Variants in MFSD6 observed in about 807,000 individuals in gnomAD.
MFSD6 encodes major facilitator superfamily domain-containing protein 6.
In MFSD6, 26 loss-of-function variants were observed where a neutral mutation model predicts 56.3. The observed-to-expected ratio is 0.46, with a 90% CI of 0.34 to 0.64. The LOEUF is 0.64. Among genes scored for constraint, MFSD6 ranks in the 30% least tolerant of loss-of-function variants. The pLI is 0.01. For missense variants in MFSD6, 750 were observed against 986.2 expected, an observed-to-expected ratio of 0.76 and a Z score of 3.21; for synonymous variants, 331 against 366.9, an observed-to-expected ratio of 0.90 and a Z score of 1.12.
intron 1 of MFSD6, among the ~76,000 whole-genome samples, chr2:190,409,960 GGAGGA>G (rs1690488502): frequency 6.6e-6 from 1 of 152,180 alleles, no homozygotes; most frequent in Non-Finnish European, 1.5e-5. Context: ...TGGGGAAACA[GGAGGA>G]GAGAACATCA....
At chr2:190,407,773 C>G (rs957165876), upstream of MFSD6, among the ~76,000 whole-genome samples, 97 of 152,308 alleles carry the variant, frequency 6.4e-4, no homozygotes, top group African/African-American at 1.8e-3. This position sits in a 1 kb window ranked among gnomAD's most constrained non-coding sequence, Gnocchi z 5.4. Context: ...ACTCACAGAT[C>G]GTTTGTCTCC....
chr2:190,495,084 T>C lies in MFSD6; in HGVS notation c.1892-2355T>C, dbSNP rs563076048. Among the ~76,000 whole-genome samples, 67 of 152,270 alleles carry C rather than the reference T, an allele frequency of 4.4e-4. 1 individual carries two copies. The highest frequency in any genetic ancestry group is 1.5e-3 in the African/African-American group (64 of 41,566). On this transcript the variant is annotated intron_variant, in intron 6 of 7. Coordinates refer to ENST00000392328, the MANE Select transcript of MFSD6 (RefSeq NM_017694.4). This position sits in a 1 kb window ranked among gnomAD's most constrained non-coding sequence, Gnocchi z 4.7. Reference sequence around the variant, plus strand: ...TGTCGCTGTTTGCTGATGATAAGATTGTATACCTAGAAAACCCTAAAGACT... The same window carrying C: ...TGTCGCTGTTTGCTGATGATAAGATCGTATACCTAGAAAACCCTAAAGACT...
chr2:190,441,989 G>A (rs551763291), intron 3 of MFSD6, among the ~76,000 whole-genome samples: 2 of 152,218 alleles, frequency 1.3e-5, no homozygotes, highest in Admixed American at 6.5e-5. Flanking sequence ...AAAGACTCCT[G>A]ATGGCAATTG....
At position 190,438,592 on chromosome 2, in the gene MFSD6, C is replaced by A. The variant is rs1686260931; in HGVS notation, c.1532+1031C>A. ...CTTCTCACCATTAATGTGCACCTTG[C>A]TCTTTAGAGATCTTTCTGCTCTGTT... On this transcript the variant is annotated intron_variant, in intron 3 of 7. Transcript: ENST00000392328. The surrounding 1 kb of genome is among the most constrained non-coding windows in gnomAD (Gnocchi z 5.2). Among the ~76,000 whole-genome samples the A allele has an allele frequency of 6.6e-6, 1 of 152,214 alleles. No homozygotes were observed. The highest frequency in any genetic ancestry group is 6.5e-5 in the Admixed American group (1 of 15,280).
Position 190,437,419 on chromosome 2 carries a change from G to T in MFSD6, c.1390G>T (p.Val464Leu), listed in dbSNP as rs779837253. 1 of 1,614,056 alleles carries T rather than the reference G, an allele frequency of 6.2e-7. No individual in the cohort carries two copies. Among genetic ancestry groups the T allele is most frequent in the African/African-American group, 1.3e-5 (1 of 74,894 alleles). The change falls in exon 3 of 8, where the codon GTG becomes TTG. Residue 464 changes from valine (V) to leucine (L), a missense_variant. Around this residue, in one of 5 missense-constraint regions of MFSD6, gnomAD observed 125 missense variants for 223.1 expected, o/e 0.56. Transcript: ENST00000392328. The surrounding 1 kb of genome is among the most constrained non-coding windows in gnomAD (Gnocchi z 5.9). ...AWFMGFGYGF[V>L]FTFLYWHLED... ...GTTCATGGGTTTTGGATATGGCTTCGTGTTCACCTTTCTCTACTGGCATTT... is the reference window on the plus strand; with the variant it reads ...GTTCATGGGTTTTGGATATGGCTTCTTGTTCACCTTTCTCTACTGGCATTT...
At position 190,495,062 on chromosome 2, in the gene MFSD6, C is replaced by T. The variant is rs1207510401; in HGVS notation, c.1892-2377C>T. On this transcript the variant is annotated intron_variant, in intron 6 of 7. Coordinates refer to ENST00000392328, the MANE Select transcript of MFSD6 (RefSeq NM_017694.4). The surrounding 1 kb of genome is among the most constrained non-coding windows in gnomAD (Gnocchi z 4.7). ...ATAGGTAAAGAGGAAGTCAAACTGT[C>T]GCTGTTTGCTGATGATAAGATTGTA... Among the ~76,000 whole-genome samples the T allele has an allele frequency of 1.3e-5, 2 of 152,114 alleles. No individual in the cohort carries two copies. Among genetic ancestry groups the T allele is most frequent in the Admixed American group, 6.5e-5 (1 of 15,272 alleles).
chr2:190,448,106 G>T (rs1436298388), intron 3 of MFSD6, among the ~76,000 whole-genome samples: 1 of 152,138 alleles, frequency 6.6e-6, no homozygotes, highest in African/African-American at 2.4e-5. Flanking sequence ...CATGTGTACT[G>T]TACCTTTTGT....
In MFSD6 at chr2:190,488,282, A is replaced by G. The variant is rs144415753; in HGVS notation, c.1631-375A>G. Among the ~76,000 whole-genome samples, 119 of 152,376 alleles carry G rather than the reference A, an allele frequency of 7.8e-4. No homozygotes were observed. Among genetic ancestry groups the G allele is most frequent in the Middle Eastern group, 3.4e-3 (1 of 294 alleles). On this transcript the variant is annotated intron_variant, in intron 4 of 7. Transcript: ENST00000392328. The surrounding 1 kb of genome is among the most constrained non-coding windows in gnomAD (Gnocchi z 6.4). The stretch of plus-strand genomic sequence containing the variant: ...ATTAATCAAAGTAGCAGAAGGAAAC[A>G]ACAAATGTCTATTCACAGATGAAAA...
chr2:190,468,257 GTAATACTTCAC>G, intron 3 of MFSD6, among the ~76,000 whole-genome samples: 1 of 152,100 alleles, frequency 6.6e-6, no homozygotes. Context: ...CAGACTTTTT[GTAATACTTCAC>G]TGAGAATCTG....
rs758224191 is a variant in MFSD6, at chr2:190,410,195, A to AT, written c.-176+1699dup. Among the ~76,000 whole-genome samples the AT allele has an allele frequency of 2.6e-5, 4 of 152,122 alleles. No homozygotes were observed. Among genetic ancestry groups the AT allele is most frequent in the Admixed American group, 1.3e-4 (2 of 15,274 alleles). On this transcript the variant is annotated intron_variant, in intron 1 of 7. Coordinates refer to ENST00000392328, the MANE Select transcript of MFSD6 (RefSeq NM_017694.4). This position sits in a 1 kb window ranked among gnomAD's most constrained non-coding sequence, Gnocchi z 4.4. The stretch of plus-strand genomic sequence containing the variant: ...TCTGGACTATTAACAGTATTAAGGC[A>AT]TTTTTTTGGGTACTTATTATGTTCA...
rs796289520 is a variant in MFSD6 at position 190,454,993 on chromosome 2, TATGTATA to T, written c.1533-14757_1533-14751del. On this transcript the variant is annotated intron_variant, in intron 3 of 7. Transcript: ENST00000392328. The surrounding 1 kb of genome is among the most constrained non-coding windows in gnomAD (Gnocchi z 4.6). ...ATATGTATATGTATATGTATATGTATATGTATAATGTATATGTATATGTATATGTGTG... is the reference window on the plus strand; with the variant it reads ...ATATGTATATGTATATGTATATGTATATGTATATGTATATGTATATGTGTG... 0.088 allele frequency among the ~76,000 whole-genome samples: 7,372 copies of T among 83,794 alleles called. 291 individuals carry two copies. Among genetic ancestry groups the T allele is most frequent in the East Asian group, 0.13 (462 of 3,526 alleles). The allele number at this position is 83,794 out of a possible 152,430, so 55.0% of individuals were successfully genotyped here.
rs934936912 is a variant in MFSD6 at position 190,447,465 on chromosome 2, A to G, written c.1532+9904A>G. On this transcript the variant is annotated intron_variant, in intron 3 of 7. Coordinates refer to ENST00000392328, the MANE Select transcript of MFSD6 (RefSeq NM_017694.4). The surrounding 1 kb of genome is among the most constrained non-coding windows in gnomAD (Gnocchi z 4.5). ...TAAGTCCTCTGCTAATATATGGAGG[A>G]CACATAGGCCCTATCTTATACATAT... 5.3e-5 allele frequency among the ~76,000 whole-genome samples: 8 copies of G among 152,120 alleles called. No homozygotes were observed. The highest frequency in any genetic ancestry group is 1.9e-4 in the African/African-American group (8 of 41,424).
At position 190,479,112 on chromosome 2, in the gene MFSD6, A is replaced by T. The variant is rs962398014; in HGVS notation, c.1630+9257A>T. 2.0e-4 allele frequency among the ~76,000 whole-genome samples: 31 copies of T among 152,178 alleles called. 1 individual carries two copies. The highest frequency in any genetic ancestry group is 1.3e-4 in the Admixed American group (2 of 15,268). ...ATAATTAGCAGATGGGTTTGTGAAGAAACAAATTTCCTCTTCCCCAGGCCT... is the reference window on the plus strand; with the variant it reads ...ATAATTAGCAGATGGGTTTGTGAAGTAACAAATTTCCTCTTCCCCAGGCCT... On this transcript the variant is annotated intron_variant, in intron 4 of 7. Coordinates refer to ENST00000392328, the MANE Select transcript of MFSD6 (RefSeq NM_017694.4).
rs1163686643 is a variant in MFSD6 at position 190,490,628 on chromosome 2, G to A, written c.1891+762G>A. On this transcript the variant is annotated intron_variant, in intron 6 of 7. Coordinates refer to ENST00000392328, the MANE Select transcript of MFSD6 (RefSeq NM_017694.4). This position sits in a 1 kb window ranked among gnomAD's most constrained non-coding sequence, Gnocchi z 4.5. ...GAAATCTGAAGTTTTCTCTGAACCA[G>A]GGATGCCTTTATTAAGATTGTTCTA... 6.6e-6 allele frequency among the ~76,000 whole-genome samples: 1 copy of A among 151,982 alleles called. No individual in the cohort carries two copies. The highest frequency in any genetic ancestry group is 6.6e-5 in the Admixed American group (1 of 15,266).
rs1001680354 is a variant in MFSD6, at chr2:190,458,640, C to T, written c.1533-11118C>T. Among the ~76,000 whole-genome samples, 2 of 152,142 alleles carry T rather than the reference C, an allele frequency of 1.3e-5. No homozygotes were observed. The highest frequency in any genetic ancestry group is 4.8e-5 in the African/African-American group (2 of 41,422). On this transcript the variant is annotated intron_variant, in intron 3 of 7. Coordinates refer to ENST00000392328, the MANE Select transcript of MFSD6 (RefSeq NM_017694.4). This position sits in a 1 kb window ranked among gnomAD's most constrained non-coding sequence, Gnocchi z 5.3. ...AGATGGTTATTAGCCTTTGCTTGAC[C>T]GTTTCTAGAGATATGGAACTTGCTG... is the stretch of plus-strand genomic sequence containing the variant.
intron 3 of MFSD6, among the ~76,000 whole-genome samples, chr2:190,450,488 C>CTTTTTTTTTTT (rs10665730): frequency 6.9e-4 from 67 of 97,256 alleles, no homozygotes; most frequent in East Asian, 9.7e-4. Context: ...TCTCTTTTTC[C>CTTTTTTTTTTT]TTTTTTTTTT....
In MFSD6 at chr2:190,494,315, C is replaced by A. The variant is rs1015201726; in HGVS notation, c.1892-3124C>A. Among the ~76,000 whole-genome samples, 2 of 152,010 alleles carry A rather than the reference C, an allele frequency of 1.3e-5. No homozygotes were observed. Among genetic ancestry groups the A allele is most frequent in the African/African-American group, 4.8e-5 (2 of 41,424 alleles). ...AGCTTAAATCAGGAAGAATTAGAAA[C>A]CCTGAACAGACAACTAAGTAGTGAG... On this transcript the variant is annotated intron_variant, in intron 6 of 7. Transcript: ENST00000392328. The surrounding 1 kb of genome is among the most constrained non-coding windows in gnomAD (Gnocchi z 5.7).
At chr2:190,446,901 G>A (rs934841888) in intron 3 of MFSD6, among the ~76,000 whole-genome samples, 8 of 152,122 alleles carry the variant, frequency 5.3e-5, no homozygotes, top group Non-Finnish European at 1.0e-4. Flanking sequence ...CAGGGGTGAG[G>A]GACTTAGGGA....
intron 4 of MFSD6, among the ~76,000 whole-genome samples, chr2:190,480,230 T>C (rs576211087): frequency 3.3e-5 from 5 of 152,286 alleles, no homozygotes; most frequent in African/African-American, 1.2e-4. Context: ...GGGGAAGAAA[T>C]ACTAGTTTTA....
Sources: allele counts gnomAD v4.1 joint callset (sites outside exome capture counted in the v4.1 genomes callset), GRCh38; gene constraint gnomAD v4.1.1; regional missense constraint gnomAD v4.1.1; non-coding constraint Gnocchi (gnomAD v3.1); transcripts MANE v1.5; gene names NCBI Gene and HGNC (gene_info 2026-07-23, HGNC 2026-07-21).